The following FAM184B variants were observed in gnomAD, a reference collection of about 807,000 sequenced individuals.
The protein encoded by FAM184B is protein FAM184B.
A neutral mutation model predicts 135.9 loss-of-function variants in FAM184B; 111 were observed. The observed-to-expected ratio is 0.82, with a 90% CI of 0.70 to 0.96. The LOEUF is 0.96. Ranked by LOEUF, FAM184B falls within the 40% of genes least tolerant of loss-of-function variation. FAM184B has a pLI of 0.00. For synonymous variants in FAM184B, 552 were observed against 524.8 expected (o/e 1.05, Z -0.71); for missense variants, 1,375 against 1,323.9 (o/e 1.04, Z -0.60).
chr4:17,633,692 G>C lies in FAM184B; in HGVS notation c.3086C>G (p.Thr1029Arg). ...PNQSTDAKTATRTPDGETAQA... is the reference protein window; with the variant it reads ...PNQSTDAKTARRTPDGETAQA... ...CTGTCCCCAACATCCCCCAAACCTT[G>C]TGGCAGTTTTTGCATCTGTAGACTG... The change falls in exon 17 of 18, where the codon ACA (threonine) becomes AGA (arginine). Residue 1029 changes from threonine (T) to arginine (R), a missense_variant. By Grantham distance (71) the Thr-to-Arg change is moderately conservative (BLOSUM62 -1). Coordinates refer to ENST00000265018, the MANE Select transcript of FAM184B (RefSeq NM_015688.2). 1 of 1,530,424 alleles carries C rather than the reference G, an allele frequency of 6.5e-7. No homozygotes were observed. Among genetic ancestry groups the C allele is most frequent in the Non-Finnish European group, 8.8e-7 (1 of 1,135,840 alleles). 94.8% of individuals were successfully genotyped at this position (1,530,424 alleles called of 1,614,324 possible). A position where few individuals can be genotyped will look rare whatever the true frequency, so the allele number is the denominator to read the frequency against.
In FAM184B at chr4:17,707,801, G is replaced by A. The variant is rs752980284; in HGVS notation, c.895-17C>T. The A allele has an allele frequency of 1.3e-6, 2 of 1,551,598 alleles. No individual in the cohort carries two copies. Among genetic ancestry groups the A allele is most frequent in the African/African-American group, 2.7e-5 (2 of 73,016 alleles). On this transcript the variant is annotated splice_polypyrimidine_tract_variant and intron_variant, in intron 2 of 17. Transcript: ENST00000265018. ...ATCCAGGTCCTAAACAGACAGGAAGGGTCCCATTTCTCTGGTTATAGCTCT... is the reference window on the plus strand; with the variant it reads ...ATCCAGGTCCTAAACAGACAGGAAGAGTCCCATTTCTCTGGTTATAGCTCT...
In FAM184B at chr4:17,695,006, G is replaced by GGCTA. The variant is rs572800063; in HGVS notation, c.1378-1595_1378-1594insTAGC. The stretch of plus-strand genomic sequence containing the variant: ...GGTTTCCAGGACCTGCAAAGGCCCT[G>GGCTA]GAATGTTCTAAGGACAGAGAGGAGC... On this transcript the variant is annotated intron_variant, in intron 5 of 17. Transcript: ENST00000265018. Among the ~76,000 whole-genome samples the GGCTA allele has an allele frequency of 3.6e-3, 544 of 151,740 alleles. 10 individuals carry two copies. In the East Asian group the frequency reaches 0.054, roughly 15 times the overall value.
intron 5 of FAM184B, among the ~76,000 whole-genome samples, chr4:17,701,478 A>G (rs1716984689): frequency 6.6e-6 from 1 of 152,214 alleles, no homozygotes; most frequent in Non-Finnish European, 1.5e-5. Flanking sequence ...GAGAGTTGTC[A>G]TTCATTTTGG....
chr4:17,653,041 G>C, intron 10 of FAM184B, 58 bp from the exon 11 acceptor site: 1 of 1,503,310 alleles, frequency 6.7e-7, no homozygotes, highest in Non-Finnish European at 9.1e-7. Context: ...TGGGAGACCT[G>C]ACTCCTTTGC....
chr4:17,769,944 AG>A (rs1281729760), intron 1 of FAM184B, among the ~76,000 whole-genome samples: 4 of 152,152 alleles, frequency 2.6e-5, no homozygotes, highest in African/African-American at 9.6e-5. Flanking sequence ...GGGGCAGGGC[AG>A]CCGCATTAGT....
At chr4:17,690,542 C>CA (rs1380602456) in intron 6 of FAM184B, among the ~76,000 whole-genome samples, 2 of 152,124 alleles carry the variant, frequency 1.3e-5, no homozygotes, top group African/African-American at 4.8e-5. Context: ...CAGAAAGATC[C>CA]ATGGCAACGC....
chr4:17,767,471 A>C (rs1352320601), intron 1 of FAM184B, among the ~76,000 whole-genome samples: 4 of 152,256 alleles, frequency 2.6e-5, no homozygotes, highest in Non-Finnish European at 5.9e-5. Flanking sequence ...CCTGGTATCA[A>C]ATTACATGTG....
At position 17,705,209 on chromosome 4, in the gene FAM184B, AT is replaced by A; in HGVS notation, c.1171-4del. 6.4e-7 allele frequency: 1 copy of A among 1,550,406 alleles called. No individual in the cohort carries two copies. Among genetic ancestry groups the A allele is most frequent in the Non-Finnish European group, 8.7e-7 (1 of 1,146,678 alleles). On this transcript the variant is annotated splice_region_variant and splice_polypyrimidine_tract_variant and intron_variant, in intron 4 of 17. Coordinates refer to ENST00000265018, the MANE Select transcript of FAM184B (RefSeq NM_015688.2). ...TCAGCACTTGCCTCTTTCTTGGTCTATAAAAAGAAAAAGGACCTTGTAAAAC... is the reference window on the plus strand; with the variant it reads ...TCAGCACTTGCCTCTTTCTTGGTCTAAAAAAGAAAAAGGACCTTGTAAAAC...
intron 7 of FAM184B, among the ~76,000 whole-genome samples, chr4:17,674,932 G>A (rs1397024206): frequency 6.6e-6 from 1 of 152,038 alleles, no homozygotes; most frequent in East Asian, 1.9e-4. Flanking sequence ...CTGAAATCTT[G>A]AACCCCTCCA....
At chr4:17,641,730 C>T (rs1281327891) in intron 13 of FAM184B, among the ~76,000 whole-genome samples, 1 of 141,362 alleles carries the variant, frequency 7.1e-6, no homozygotes, top group Non-Finnish European at 1.5e-5. Flanking sequence ...GAATTCCTGA[C>T]CTCGTGATGC....
chr4:17,670,200 GTA>G (rs1347724495), intron 7 of FAM184B, among the ~76,000 whole-genome samples: 1 of 152,116 alleles, frequency 6.6e-6, no homozygotes, highest in Non-Finnish European at 1.5e-5. Context: ...GTATTTAAAT[GTA>G]TTCATTAGAA....
intron 7 of FAM184B, among the ~76,000 whole-genome samples, chr4:17,669,641 T>A (rs887740871): frequency 6.6e-6 from 1 of 152,180 alleles, no homozygotes; most frequent in Admixed American, 6.5e-5. Context: ...TAAAAGGAAT[T>A]GTTCACTGAA....
At chr4:17,716,000 T>A (rs1222249051) in intron 1 of FAM184B, among the ~76,000 whole-genome samples, 1 of 152,202 alleles carries the variant, frequency 6.6e-6, no homozygotes, top group Non-Finnish European at 1.5e-5. Flanking sequence ...TAAATGCAAC[T>A]AATAAAATTC....
chr4:17,700,902 A>G (rs10006317), intron 5 of FAM184B, among the ~76,000 whole-genome samples: 92,970 of 151,948 alleles, frequency 0.61, 29,037 homozygotes, highest in East Asian at 0.93. Context: ...GTTATTTTGG[A>G]AATTGATAGA....
intron 5 of FAM184B, among the ~76,000 whole-genome samples, chr4:17,700,321 A>T (rs1168571814): frequency 6.6e-6 from 1 of 152,198 alleles, no homozygotes; most frequent in Non-Finnish European, 1.5e-5. Context: ...GTAAAAGGAC[A>T]GATTAAAATA....
chr4:17,645,256 C>T (rs1269734790), intron 12 of FAM184B, among the ~76,000 whole-genome samples: 1 of 152,092 alleles, frequency 6.6e-6, no homozygotes, highest in East Asian at 1.9e-4. Context: ...CAAAAAAGAG[C>T]CTGCGTCGCC....
At chr4:17,729,006 A>C (rs187661072) in intron 1 of FAM184B, among the ~76,000 whole-genome samples, 4 of 152,306 alleles carry the variant, frequency 2.6e-5, no homozygotes, top group Non-Finnish European at 5.9e-5. Context: ...AGTCAAAGAA[A>C]GGGGTGACAG....
chr4:17,706,941 G>GAA (rs1717134178), intron 3 of FAM184B, among the ~76,000 whole-genome samples: 1 of 151,844 alleles, frequency 6.6e-6, no homozygotes, highest in African/African-American at 2.4e-5. Flanking sequence ...ACCCCTCACT[G>GAA]TGCTTGGCTA....
Position 17,633,514 on chromosome 4 carries a change from A to C in FAM184B, c.3089+175T>G, listed in dbSNP as rs1437853597. The C allele has an allele frequency of 5.4e-6, 3 of 551,570 alleles. No individual in the cohort carries two copies. The African/African-American group carries it at 5.8e-5, about 11-fold the overall frequency. 34.2% of individuals were successfully genotyped at this position (551,570 alleles called of 1,614,324 possible). On this transcript the variant is annotated intron_variant, in intron 17 of 17. Coordinates refer to ENST00000265018, the MANE Select transcript of FAM184B (RefSeq NM_015688.2). ...CAGACCTCCAGGCCAGATGGAGTCC[A>C]CCTTTTGTATAACCCATGCTGAAGT...
Sources: gnomAD v4.1 joint callset for allele counts (sites outside exome capture counted in the v4.1 genomes callset) on GRCh38, gnomAD v4.1.1 for gene constraint, MANE v1.5 for transcripts, NCBI Gene and HGNC (gene_info 2026-07-23, HGNC 2026-07-21) for gene names.